Variants in ALK observed in about 807,000 individuals in gnomAD.
ALK encodes ALK tyrosine kinase receptor.
In ALK, 74 loss-of-function variants were observed where a neutral mutation model predicts 163.1. The ratio of observed to expected loss-of-function variants is 0.45; its 90% confidence interval spans 0.38 to 0.55. The LOEUF (loss-of-function observed/expected upper bound fraction) is 0.55, where lower values mean the gene tolerates loss of function less well. ALK is among the 20% of genes least tolerant of loss of function. The probability of loss-of-function intolerance (pLI) is 0.00; values close to 1 mark genes in which losing one functional copy is unlikely to be tolerated. For synonymous variants in ALK, 960 were observed against 843.2 expected (o/e 1.14, Z -2.40); for missense variants, 2,063 against 2,105.3 (o/e 0.98, Z 0.39).
At chr2:29,251,322 G>T (rs1664811645) in intron 11 of ALK, 55 bp from the exon 12 acceptor site, 9 of 1,573,748 alleles carry the variant, frequency 5.7e-6, no homozygotes, top group Middle Eastern at 1.9e-4. Context: ...CCCTCCTCCA[G>T]GGGCCTCCCT....
chr2:29,644,248 C>T (rs1419802307), intron 3 of ALK, among the ~76,000 whole-genome samples: 4 of 86,500 alleles, frequency 4.6e-5, no homozygotes, highest in East Asian at 3.2e-4. Flanking sequence ...GGGCCTGTTG[C>T]GGGGTGGGGG....
chr2:29,460,372 A>T (rs1196432038), intron 4 of ALK, among the ~76,000 whole-genome samples: 3 of 152,160 alleles, frequency 2.0e-5, no homozygotes, highest in Non-Finnish European at 4.4e-5. Context: ...GGAGGACATA[A>T]GTCATATACA....
At chr2:29,213,718 T>C (rs1208251075) in intron 24 of ALK, among the ~76,000 whole-genome samples, 1 of 152,160 alleles carries the variant, frequency 6.6e-6, no homozygotes, top group Non-Finnish European at 1.5e-5. Context: ...GAGCCATCGC[T>C]CATGCCTGAA....
chr2:29,761,839 A>G (rs1267266743), intron 1 of ALK, among the ~76,000 whole-genome samples: 1 of 152,180 alleles, frequency 6.6e-6, no homozygotes, highest in Non-Finnish European at 1.5e-5. Flanking sequence ...ACGAGTCCAG[A>G]AGCTTAGAAG....
chr2:29,777,469 C>A (rs1472627089), intron 1 of ALK, among the ~76,000 whole-genome samples: 1 of 152,106 alleles, frequency 6.6e-6, no homozygotes, highest in Non-Finnish European at 1.5e-5. Context: ...CTCTTGCCAT[C>A]CATCTATTTT....
chr2:29,408,386 C>T (rs1401344424), intron 4 of ALK, among the ~76,000 whole-genome samples: 6 of 151,976 alleles, frequency 3.9e-5, no homozygotes, highest in Admixed American at 2.0e-4. Context: ...CCACCATGCC[C>T]GGCTGGAAAG....
chr2:29,645,810 GCT>G (rs757070187), intron 3 of ALK, among the ~76,000 whole-genome samples: 34 of 152,034 alleles, frequency 2.2e-4, no homozygotes, highest in Non-Finnish European at 3.7e-4. Context: ...GGGACACAGG[GCT>G]CTCTTGGTTT....
intron 1 of ALK, among the ~76,000 whole-genome samples, chr2:29,851,932 G>A (rs1266290803): frequency 6.6e-6 from 1 of 152,202 alleles, no homozygotes; most frequent in Non-Finnish European, 1.5e-5. Flanking sequence ...CTGGCCAAAA[G>A]AAGGTCAGCA....
At chr2:29,393,928 C>T (rs561647586) in intron 4 of ALK, among the ~76,000 whole-genome samples, 1 of 152,182 alleles carries the variant, frequency 6.6e-6, no homozygotes, top group South Asian at 2.1e-4. Context: ...GGAAACAAAT[C>T]TTAAAAACCC....
At chr2:29,701,786 A>G (rs1324428301) in intron 2 of ALK, among the ~76,000 whole-genome samples, 1 of 152,180 alleles carries the variant, frequency 6.6e-6, no homozygotes, top group Non-Finnish European at 1.5e-5. Flanking sequence ...TGAATTAGGC[A>G]GGATTCTTAT....
intron 8 of ALK, among the ~76,000 whole-genome samples, chr2:29,316,494 G>A (rs1334897092): frequency 6.6e-6 from 1 of 151,896 alleles, no homozygotes; most frequent in Non-Finnish European, 1.5e-5. Context: ...GGTTATTAGA[G>A]AAATGATGAA....
At chr2:29,509,731 T>C (rs1001226140) in intron 4 of ALK, among the ~76,000 whole-genome samples, 1 of 152,306 alleles carries the variant, frequency 6.6e-6, no homozygotes, top group Middle Eastern at 3.4e-3. Flanking sequence ...GAATGCCTTT[T>C]ACAACAACTA....
chr2:29,545,893 T>C (rs960551853), intron 3 of ALK, among the ~76,000 whole-genome samples: 5 of 152,156 alleles, frequency 3.3e-5, no homozygotes, highest in African/African-American at 1.2e-4. Flanking sequence ...CTAGAAGTAG[T>C]AGTACAATTT....
intron 4 of ALK, among the ~76,000 whole-genome samples, chr2:29,417,582 G>C (rs540037403): frequency 6.6e-6 from 1 of 152,122 alleles, no homozygotes; most frequent in African/African-American, 2.4e-5. Flanking sequence ...AAAATGACTT[G>C]CCCGAGATCA....
intron 23 of ALK, among the ~76,000 whole-genome samples, chr2:29,216,789 GTA>G (rs1669623797): frequency 6.6e-6 from 1 of 151,650 alleles, no homozygotes; most frequent in Non-Finnish European, 1.5e-5. Flanking sequence ...TGTGTGGTGT[GTA>G]TGTGTGGGGG....
At chr2:29,350,271 G>T (rs1218273206) in intron 5 of ALK, among the ~76,000 whole-genome samples, 1 of 152,228 alleles carries the variant, frequency 6.6e-6, no homozygotes, top group Non-Finnish European at 1.5e-5. Flanking sequence ...AAAATCTTGT[G>T]AATGTGAAGG....
chr2:29,318,272 A>C, intron 8 of ALK, 32 bp downstream of exon 8: 2 of 1,555,018 alleles, frequency 1.3e-6, no homozygotes, highest in Non-Finnish European at 8.9e-7. Context: ...TGGGAGGAGA[A>C]ATTAGAGAAC....
chr2:29,676,917 T>A (rs531661114), intron 3 of ALK, among the ~76,000 whole-genome samples: 1 of 152,180 alleles, frequency 6.6e-6, no homozygotes, highest in African/African-American at 2.4e-5. Context: ...ACTTTCTTAA[T>A]TCCCTTTTGG....
chr2:29,490,303 AT>A (rs960088771), intron 4 of ALK, among the ~76,000 whole-genome samples: 1 of 152,236 alleles, frequency 6.6e-6, no homozygotes, highest in Non-Finnish European at 1.5e-5. Flanking sequence ...GCAGAGTCAG[AT>A]GGTGTGTTAA....
Sources: gnomAD v4.1 joint callset for allele counts (sites outside exome capture counted in the v4.1 genomes callset) on GRCh38, gnomAD v4.1.1 for gene constraint, MANE v1.5 for transcripts, NCBI Gene and HGNC (gene_info 2026-07-23, HGNC 2026-07-21) for gene names.